TMEM132D: variants seen among roughly 807,000 people sequenced by gnomAD.
TMEM132D encodes the protein mature OL transmembrane protein.
Under a neutral mutation model 62.3 loss-of-function variants are expected in TMEM132D, and 21 were observed. The observed-to-expected ratio is 0.34, with a 90% CI of 0.24 to 0.49. The LOEUF (loss-of-function observed/expected upper bound fraction) is 0.49. Among genes scored for constraint, TMEM132D ranks in the 20% least tolerant of loss-of-function variants. The pLI, the probability that TMEM132D is intolerant of heterozygous loss-of-function variation, is 0.99. For synonymous variants in TMEM132D, 621 were observed against 575.6 expected (o/e 1.08, Z -1.13); for missense variants, 1,346 against 1,402.8 (o/e 0.96, Z 0.65).
intron 4 of TMEM132D, among the ~76,000 whole-genome samples, chr12:129,269,372 C>CCTCCCTTTCTCT (rs879297972): frequency 6.6e-6 from 1 of 151,894 alleles, no homozygotes; most frequent in South Asian, 2.1e-4. Flanking sequence ...TCCCTTCCTC[C>CCTCCCTTTCTCT]CTTCCCCTTT....
At chr12:129,620,970 C>A (rs1204919389) in intron 2 of TMEM132D, among the ~76,000 whole-genome samples, 2 of 152,126 alleles carry the variant, frequency 1.3e-5, no homozygotes, top group African/African-American at 2.4e-5. Flanking sequence ...ACATGTATTC[C>A]AGAACTTAAA....
At chr12:129,567,406 T>A (rs1877396480) in intron 2 of TMEM132D, among the ~76,000 whole-genome samples, 1 of 152,138 alleles carries the variant, frequency 6.6e-6, no homozygotes, top group African/African-American at 2.4e-5. Flanking sequence ...CAACTAACTA[T>A]AAGAAGCCAC....
At chr12:129,189,613 G>A (rs533110696) in intron 5 of TMEM132D, among the ~76,000 whole-genome samples, 2 of 152,120 alleles carry the variant, frequency 1.3e-5, no homozygotes, top group South Asian at 2.1e-4. Flanking sequence ...GAGTCCCCAC[G>A]GGAAATCACA....
intron 3 of TMEM132D, among the ~76,000 whole-genome samples, chr12:129,498,901 C>T (rs1414929534): frequency 6.6e-6 from 1 of 152,162 alleles, no homozygotes; most frequent in African/African-American, 2.4e-5. Context: ...GGGCAGGGCT[C>T]TCTCCCTCCT....
At chr12:129,490,723 G>C (rs1874764501) in intron 3 of TMEM132D, among the ~76,000 whole-genome samples, 1 of 150,056 alleles carries the variant, frequency 6.7e-6, no homozygotes, top group Non-Finnish European at 1.5e-5. Flanking sequence ...AAAGTGCTGG[G>C]ATTACAGGCG....
At chr12:129,513,891 G>A (rs1875587821) in intron 3 of TMEM132D, among the ~76,000 whole-genome samples, 1 of 150,230 alleles carries the variant, frequency 6.7e-6, no homozygotes, top group African/African-American at 2.5e-5. Context: ...AGGCTGGAGT[G>A]CAGTGGCACG....
chr12:129,540,015 A>G (rs906681323), intron 2 of TMEM132D, among the ~76,000 whole-genome samples: 6 of 152,106 alleles, frequency 3.9e-5, no homozygotes, highest in Non-Finnish European at 7.4e-5. Flanking sequence ...CTCTCCTGGA[A>G]TACATCTGAA....
chr12:129,127,779 G>A (rs767738013), intron 5 of TMEM132D, among the ~76,000 whole-genome samples: 1 of 152,158 alleles, frequency 6.6e-6, no homozygotes. Flanking sequence ...GCAGAGGACA[G>A]TGGTTGACAC....
chr12:129,701,749 G>A (rs980649441), intron 1 of TMEM132D, among the ~76,000 whole-genome samples: 6 of 152,184 alleles, frequency 3.9e-5, no homozygotes, highest in African/African-American at 1.4e-4. Context: ...TGACTTTCTA[G>A]GCAAAGCTCC....
At chr12:129,121,598 A>G (rs1198001130) in intron 5 of TMEM132D, among the ~76,000 whole-genome samples, 1 of 152,212 alleles carries the variant, frequency 6.6e-6, no homozygotes, top group Non-Finnish European at 1.5e-5. Context: ...CCCCGAGCCC[A>G]GGAATGCAGA....
intron 2 of TMEM132D, among the ~76,000 whole-genome samples, chr12:129,544,729 G>A (rs1220171189): frequency 2.6e-5 from 4 of 152,124 alleles, no homozygotes; most frequent in Non-Finnish European, 4.4e-5. Context: ...AGAAAAAAAA[G>A]AGAAAGAAAA....
intron 3 of TMEM132D, among the ~76,000 whole-genome samples, chr12:129,456,938 C>A (rs1190977996): frequency 6.6e-6 from 1 of 152,154 alleles, no homozygotes; most frequent in Non-Finnish European, 1.5e-5. Context: ...AGTCAGGAAA[C>A]AACAGGTGCT....
chr12:129,837,973 T>C (rs556191677), intron 1 of TMEM132D, among the ~76,000 whole-genome samples: 6 of 152,316 alleles, frequency 3.9e-5, no homozygotes, highest in African/African-American at 1.4e-4. Flanking sequence ...TTTTTTTCTT[T>C]CTCTCTTCAG....
chr12:129,798,815 G>A (rs1013159993), intron 1 of TMEM132D, among the ~76,000 whole-genome samples: 9 of 151,700 alleles, frequency 5.9e-5, no homozygotes, highest in South Asian at 2.1e-4. Context: ...AAGAGGGCTC[G>A]CCCCAGAATT....
intron 1 of TMEM132D, among the ~76,000 whole-genome samples, chr12:129,761,495 GCC>G (rs887501003): frequency 2.6e-5 from 4 of 152,128 alleles, no homozygotes; most frequent in African/African-American, 9.7e-5. Context: ...GCCTCTGAGG[GCC>G]TCTCAAGACA....
intron 4 of TMEM132D, among the ~76,000 whole-genome samples, chr12:129,309,012 G>T (rs935757146): frequency 6.6e-6 from 1 of 152,118 alleles, no homozygotes; most frequent in African/African-American, 2.4e-5. Context: ...AAACACCCTT[G>T]GTCTTCATAA....
intron 1 of TMEM132D, among the ~76,000 whole-genome samples, chr12:129,863,049 G>A (rs942150849): frequency 5.3e-5 from 8 of 152,160 alleles, no homozygotes; most frequent in Non-Finnish European, 7.3e-5. Context: ...TCAGAGAACC[G>A]AGGCATTGAA....
chr12:129,145,420 G>A (rs77188568), intron 5 of TMEM132D, among the ~76,000 whole-genome samples: 2,270 of 152,222 alleles, frequency 0.015, 52 homozygotes, highest in African/African-American at 0.052. Flanking sequence ...CAGTTTCTGT[G>A]AGCATGGGCA....
chr12:129,409,326 A>G (rs1310522422), intron 3 of TMEM132D, among the ~76,000 whole-genome samples: 2 of 152,204 alleles, frequency 1.3e-5, no homozygotes, highest in Non-Finnish European at 2.9e-5. Flanking sequence ...AAAGGCATAA[A>G]GCTAAGGTAA....
Sources: gnomAD v4.1 joint callset for allele counts (sites outside exome capture counted in the v4.1 genomes callset) on GRCh38, gnomAD v4.1.1 for gene constraint, MANE v1.5 for transcripts, NCBI Gene and HGNC (gene_info 2026-07-23, HGNC 2026-07-21) for gene names.